Variants in BNC2 observed in about 807,000 individuals in gnomAD.
BNC2 encodes zinc finger protein basonuclin-2.
In BNC2, 20 loss-of-function variants were observed where a neutral mutation model predicts 76.3. That is an observed-to-expected ratio of 0.26 (90% CI 0.18 to 0.38). The LOEUF (loss-of-function observed/expected upper bound fraction) is 0.38. BNC2 is among the 10% of genes least tolerant of loss of function. BNC2 has a pLI of 1.00. For synonymous variants in BNC2, 582 were observed against 514.8 expected (o/e 1.13, Z -1.77); for missense variants, 1,382 against 1,399.8 (o/e 0.99, Z 0.20).
intron 6 of BNC2, among the ~76,000 whole-genome samples, chr9:16,421,907 G>T (rs1820718417): frequency 6.6e-6 from 1 of 152,146 alleles, no homozygotes; most frequent in Non-Finnish European, 1.5e-5. Context: ...AATTTCACGA[G>T]CACACATTTT....
At chr9:16,734,409 G>T (rs1228972211) in intron 2 of BNC2, among the ~76,000 whole-genome samples, 1 of 151,568 alleles carries the variant, frequency 6.6e-6, no homozygotes, top group African/African-American at 2.4e-5. Flanking sequence ...GAAGGAAAAA[G>T]CTTGTGTCAT....
At chr9:16,545,789 T>A (rs555724327) in intron 5 of BNC2, among the ~76,000 whole-genome samples, 3 of 152,244 alleles carry the variant, frequency 2.0e-5, no homozygotes, top group Admixed American at 6.5e-5. Context: ...CATGAAAATA[T>A]CCCACAGAGA....
intron 3 of BNC2, among the ~76,000 whole-genome samples, chr9:16,714,306 G>T (rs911593358): frequency 6.6e-6 from 1 of 152,064 alleles, no homozygotes; most frequent in Non-Finnish European, 1.5e-5. Flanking sequence ...GCATCTAAAG[G>T]GGTATATTCT....
At chr9:16,629,224 C>T (rs1821090003) in intron 3 of BNC2, among the ~76,000 whole-genome samples, 1 of 152,166 alleles carries the variant, frequency 6.6e-6, no homozygotes, top group Non-Finnish European at 1.5e-5. Context: ...TGTAAAGATG[C>T]TTGATTCGGC....
chr9:16,834,464 C>T (rs1183431484), intron 1 of BNC2, among the ~76,000 whole-genome samples: 1 of 152,202 alleles, frequency 6.6e-6, no homozygotes, highest in Non-Finnish European at 1.5e-5. Flanking sequence ...GGCTTAGAGT[C>T]AGACTATAAG....
chr9:16,788,276 A>G (rs12378588), intron 1 of BNC2, among the ~76,000 whole-genome samples: 17,121 of 152,176 alleles, frequency 0.11, 1,228 homozygotes, highest in Admixed American at 0.23. Flanking sequence ...TTCCTGGGCC[A>G]GGCGCGGTGG....
chr9:16,430,744 A>G (rs1286004960), intron 6 of BNC2, among the ~76,000 whole-genome samples: 1 of 152,202 alleles, frequency 6.6e-6, no homozygotes, highest in African/African-American at 2.4e-5. Flanking sequence ...AGGCCTACAA[A>G]GGAACAAATT....
At chr9:16,859,353 C>G (rs1374849930) in intron 1 of BNC2, among the ~76,000 whole-genome samples, 1 of 152,110 alleles carries the variant, frequency 6.6e-6, no homozygotes, top group Non-Finnish European at 1.5e-5. Flanking sequence ...ACATATATGT[C>G]CAAAGATTGA....
At chr9:16,678,305 G>T (rs1413118348) in intron 3 of BNC2, among the ~76,000 whole-genome samples, 1 of 99,090 alleles carries the variant, frequency 1.0e-5, no homozygotes, top group Admixed American at 1.5e-4. Flanking sequence ...TTGAGACAGA[G>T]TCTTGCTCTG....
Position 16,409,768 on chromosome 9 carries a change from A to G in BNC2, c.*9221T>C, listed in dbSNP as rs2118871601. 6.5e-6 allele frequency: 1 copy of G among 152,792 alleles called. No homozygotes were observed. Among genetic ancestry groups the G allele is most frequent in the African/African-American group, 2.4e-5 (1 of 41,586 alleles). The allele number at this position is 152,792 out of a possible 1,614,324, so 9.5% of individuals were successfully genotyped here. A position where few individuals can be genotyped will look rare whatever the true frequency, so the allele number is the denominator to read the frequency against. On this transcript the variant is annotated 3_prime_UTR_variant, in exon 7 of 7. Coordinates refer to ENST00000380672, the MANE Select transcript of BNC2 (RefSeq NM_017637.6). ...AAAATAAAACCCTTGTTCAAGGTAC[A>G]TACAGTATTTAGGAAGCTACCAACG... is the stretch of plus-strand genomic sequence containing the variant.
In BNC2 at chr9:16,857,834, G is replaced by T. The variant is rs139678679; in HGVS notation, c.3+12812C>A. ...AATAAATATCAGCCTTTATTAGCAT[G>T]AATAAAGAGAAAATTAGAACTGTAA... is the stretch of plus-strand genomic sequence containing the variant. On this transcript the variant is annotated intron_variant, in intron 1 of 6. Transcript: ENST00000380672. 4.0e-4 allele frequency among the ~76,000 whole-genome samples: 61 copies of T among 152,286 alleles called. 2 individuals are homozygous for T. Among genetic ancestry groups the T allele is most frequent in the Admixed American group, 1.3e-3 (20 of 15,294 alleles).
At chr9:16,503,476 T>C (rs548326973) in intron 5 of BNC2, among the ~76,000 whole-genome samples, 1 of 152,232 alleles carries the variant, frequency 6.6e-6, no homozygotes, top group African/African-American at 2.4e-5. Flanking sequence ...ACAAAATACA[T>C]GGGCCCAAAG....
At chr9:16,780,250 A>AAC (rs1554729480) in intron 1 of BNC2, among the ~76,000 whole-genome samples, 11,136 of 124,372 alleles carry the variant, frequency 0.09, 666 homozygotes, top group East Asian at 0.24. Context: ...AAAAAAAAAA[A>AAC]AAAAAACAAA....
intron 3 of BNC2, among the ~76,000 whole-genome samples, chr9:16,641,766 T>C (rs1033573426): frequency 6.6e-6 from 1 of 152,206 alleles, no homozygotes; most frequent in Admixed American, 6.5e-5. Flanking sequence ...GATATGGCCA[T>C]GTTAAATATG....
chr9:16,710,867 G>T (rs1262507079), intron 3 of BNC2, among the ~76,000 whole-genome samples: 1 of 152,082 alleles, frequency 6.6e-6, no homozygotes, highest in Non-Finnish European at 1.5e-5. Context: ...CTCATCACAG[G>T]ACCCACATTA....
intron 5 of BNC2, among the ~76,000 whole-genome samples, chr9:16,525,938 G>C (rs1191695039): frequency 6.6e-6 from 1 of 151,780 alleles, no homozygotes; most frequent in Admixed American, 6.6e-5. Context: ...AACTTTAAAA[G>C]TGTATTTGAT....
In BNC2 at chr9:16,640,651, G is replaced by A. The variant is rs372578446; in HGVS notation, c.331-57566C>T. Among the ~76,000 whole-genome samples, 20 of 152,272 alleles carry A rather than the reference G, an allele frequency of 1.3e-4. No individual in the cohort carries two copies. In the East Asian group the frequency reaches 2.3e-3, roughly 18 times the overall value. On this transcript the variant is annotated intron_variant, in intron 3 of 6. Transcript: ENST00000380672. ...AAGAAACTGTGAGGGATGGTTTGCCGTATACATTAAGCATGACCTTAGGCA... is the reference window on the plus strand; with the variant it reads ...AAGAAACTGTGAGGGATGGTTTGCCATATACATTAAGCATGACCTTAGGCA...
chr9:16,854,927 T>C (rs1009227253), intron 1 of BNC2, among the ~76,000 whole-genome samples: 9 of 152,002 alleles, frequency 5.9e-5, no homozygotes, highest in African/African-American at 1.9e-4. Context: ...AATTTCTCTA[T>C]AGGAGGAGAA....
chr9:16,417,069 T>C lies in BNC2; in HGVS notation c.*1920A>G, dbSNP rs1455366568. The C allele has an allele frequency of 6.6e-6, 1 of 152,468 alleles. No individual in the cohort carries two copies. Among genetic ancestry groups the C allele is most frequent in the African/African-American group, 2.4e-5 (1 of 41,384 alleles). The allele number at this position is 152,468 out of a possible 1,614,324, so 9.4% of individuals were successfully genotyped here. A position where few individuals can be genotyped will look rare whatever the true frequency, so the allele number is the denominator to read the frequency against. On this transcript the variant is annotated 3_prime_UTR_variant, in exon 7 of 7. Transcript: ENST00000380672. ...CCATTAAATGCAAAAAAGAAATACA[T>C]TCTCTTTAAATTATTGTGTACTGTT...
Sources: gnomAD v4.1 joint callset for allele counts (sites outside exome capture counted in the v4.1 genomes callset) on GRCh38, gnomAD v4.1.1 for gene constraint, MANE v1.5 for transcripts, NCBI Gene and HGNC (gene_info 2026-07-23, HGNC 2026-07-21) for gene names.